Variants in ZNF503 observed in about 807,000 individuals in gnomAD.
ZNF503 encodes NocA-like zinc finger 2.
In ZNF503, 15 loss-of-function variants were observed where a neutral mutation model predicts 34.4. That is an observed-to-expected ratio of 0.44 (90% CI 0.29 to 0.67). The LOEUF is 0.67. ZNF503 is among the 30% of genes least tolerant of loss of function. The probability of loss-of-function intolerance (pLI) is 0.13; values close to 1 mark genes in which losing one functional copy is unlikely to be tolerated. For synonymous variants in ZNF503, 580 were observed against 456.8 expected, an observed-to-expected ratio of 1.27 and a Z score of -3.44; for missense variants, 1,007 against 926.8, an observed-to-expected ratio of 1.09 and a Z score of -1.12.
chr10:75,287,559 T>A, the ZNF503 span, among the ~76,000 whole-genome samples: 1 of 152,098 alleles, frequency 6.6e-6, no homozygotes, highest in Non-Finnish European at 1.5e-5. Context: ...TACCCTCCCA[T>A]ACCTACTTAC....
At chr10:75,401,898 CGCT>C (rs964765094), upstream of ZNF503, 12 of 189,608 alleles carry the variant, frequency 6.3e-5, no homozygotes, top group African/African-American at 2.4e-4. Context: ...CCGCCGCCGC[CGCT>C]GCCAGGACTC....
chr10:75,281,101 C>T, the ZNF503 span, among the ~76,000 whole-genome samples: 2 of 152,186 alleles, frequency 1.3e-5, no homozygotes, highest in South Asian at 2.1e-4. Context: ...ACTGAAAGGT[C>T]GCTCTCCTAA....
the ZNF503 span, among the ~76,000 whole-genome samples, chr10:75,309,617 T>C: frequency 6.6e-6 from 1 of 152,242 alleles, no homozygotes; most frequent in Non-Finnish European, 1.5e-5. Context: ...ATAATGCTAT[T>C]GCACACTTAA....
the ZNF503 span, among the ~76,000 whole-genome samples, chr10:75,380,511 T>C: frequency 2.0e-5 from 3 of 152,146 alleles, no homozygotes; most frequent in South Asian, 6.2e-4. Flanking sequence ...GATTTTTGCT[T>C]CTGACTCCAG....
At chr10:75,349,737 G>A in the ZNF503 span, among the ~76,000 whole-genome samples, 1 of 152,252 alleles carries the variant, frequency 6.6e-6, no homozygotes, top group Non-Finnish European at 1.5e-5. Context: ...GTGCCTGGAG[G>A]CAGGGCCTCC....
the ZNF503 span, among the ~76,000 whole-genome samples, chr10:75,341,863 C>G: frequency 2.0e-5 from 3 of 152,208 alleles, no homozygotes; most frequent in Admixed American, 2.0e-4. Context: ...CCTGCTCCCA[C>G]CCAGGCAAGT....
the ZNF503 span, among the ~76,000 whole-genome samples, chr10:75,377,331 C>T: frequency 6.6e-6 from 1 of 152,238 alleles, no homozygotes; most frequent in African/African-American, 2.4e-5. Flanking sequence ...TTATAGAGCT[C>T]AGTGGGTTCC....
chr10:75,295,181 G>A, the ZNF503 span, among the ~76,000 whole-genome samples: 1 of 151,794 alleles, frequency 6.6e-6, no homozygotes, highest in African/African-American at 2.4e-5. The surrounding 1 kb of genome is among the most constrained non-coding windows in gnomAD (Gnocchi z 4.0). Flanking sequence ...GACTCGGGGG[G>A]CAGGCGGCAC....
At chr10:75,388,222 T>TG in the ZNF503 span, among the ~76,000 whole-genome samples, 3 of 152,098 alleles carry the variant, frequency 2.0e-5, no homozygotes, top group Non-Finnish European at 4.4e-5. Context: ...CTAGAACAGG[T>TG]GGGGCCAGTG....
chr10:75,323,346 T>C, the ZNF503 span, among the ~76,000 whole-genome samples: 1 of 152,322 alleles, frequency 6.6e-6, no homozygotes, highest in African/African-American at 2.4e-5. Context: ...TTTATAAACA[T>C]AGGTTTTCAT....
At chr10:75,335,422 A>G in the ZNF503 span, among the ~76,000 whole-genome samples, 2 of 152,240 alleles carry the variant, frequency 1.3e-5, no homozygotes, top group Non-Finnish European at 2.9e-5. Flanking sequence ...GTAGAATAGC[A>G]GGGTAATCTG....
chr10:75,321,484 A>G, the ZNF503 span, among the ~76,000 whole-genome samples: 1 of 152,204 alleles, frequency 6.6e-6, no homozygotes, highest in Non-Finnish European at 1.5e-5. Context: ...GAAAATTTGG[A>G]ACTTCCTAGA....
the ZNF503 span, among the ~76,000 whole-genome samples, chr10:75,318,438 A>G: frequency 6.6e-6 from 1 of 152,168 alleles, no homozygotes; most frequent in South Asian, 2.1e-4. Context: ...TGGGCAGCTG[A>G]AGCAGGGATC....
the ZNF503 span, among the ~76,000 whole-genome samples, chr10:75,370,556 G>A: frequency 2.0e-5 from 3 of 151,864 alleles, no homozygotes; most frequent in Admixed American, 6.6e-5. Flanking sequence ...CGAGGCAGAC[G>A]GATCATGAGG....
the ZNF503 span, among the ~76,000 whole-genome samples, chr10:75,326,151 A>G: frequency 6.6e-6 from 1 of 152,238 alleles, no homozygotes; most frequent in Non-Finnish European, 1.5e-5. Context: ...CATTGCCACT[A>G]TGTAGAAATA....
Position 75,399,286 on chromosome 10 carries a change from C to G in ZNF503, c.1404G>C (p.Leu468=). The G allele has an allele frequency of 1.2e-6, 2 of 1,601,130 alleles. No homozygotes were observed. The highest frequency in any genetic ancestry group is 1.7e-5 in the Admixed American group (1 of 58,738). The change falls in exon 2 of 2, where the codon CTG becomes CTC. Residue 468 remains leucine, a synonymous_variant. Coordinates refer to ENST00000372524, the MANE Select transcript of ZNF503 (RefSeq NM_032772.6). Reference sequence around the variant, plus strand: ...CGTGCAGCGGGTGCGTGGGGTACACCAGCGGGTATCCGGACTTCAGCGCCG... The same window carrying G: ...CGTGCAGCGGGTGCGTGGGGTACACGAGCGGGTATCCGGACTTCAGCGCCG... ...AAAALKSGYP[L]VYPTHPLHGV... is the part of the protein sequence containing the mutation.
At chr10:75,362,686 G>T in the ZNF503 span, among the ~76,000 whole-genome samples, 1 of 152,126 alleles carries the variant, frequency 6.6e-6, no homozygotes, top group South Asian at 2.1e-4. Flanking sequence ...TGGGTATGAG[G>T]CACTAATGTG....
At chr10:75,286,220 T>A in the ZNF503 span, among the ~76,000 whole-genome samples, 1 of 150,690 alleles carries the variant, frequency 6.6e-6, no homozygotes, top group Non-Finnish European at 1.5e-5. Flanking sequence ...GAGGCGGAGG[T>A]TGCAGTGAGC....
chr10:75,365,510 G>A, the ZNF503 span, among the ~76,000 whole-genome samples: 1 of 152,216 alleles, frequency 6.6e-6, no homozygotes, highest in South Asian at 2.1e-4. Context: ...TTTTTGGAAA[G>A]TCAATTTTTA....
Sources: gnomAD v4.1 joint callset for allele counts (sites outside exome capture counted in the v4.1 genomes callset) on GRCh38, gnomAD v4.1.1 for gene constraint, Gnocchi (gnomAD v3.1) non-coding constraint, MANE v1.5 for transcripts, NCBI Gene and HGNC (gene_info 2026-07-23, HGNC 2026-07-21) for gene names.